SLCO1C1: variants seen among roughly 807,000 people sequenced by gnomAD.
SLCO1C1 encodes solute carrier organic anion transporter family member 1C1.
SLCO1C1 carries 70 observed loss-of-function variants against 76.4 expected under a neutral mutation model. That is an observed-to-expected ratio of 0.92 (90% CI 0.76 to 1.12). The LOEUF (loss-of-function observed/expected upper bound fraction) is 1.12. Among genes scored for constraint, SLCO1C1 ranks in the 50% most tolerant of loss-of-function variants. SLCO1C1 has a pLI of 0.00. For missense variants in SLCO1C1, 912 were observed against 823.8 expected (o/e 1.11, Z -1.31); for synonymous variants, 306 against 286.1 (o/e 1.07, Z -0.70).
chr12:20,740,060 A>G, intron 11 of SLCO1C1, 124 bp from the exon 12 acceptor site: 1 of 989,478 alleles, frequency 1.0e-6, no homozygotes, highest in Non-Finnish European at 1.5e-6. Flanking sequence ...AATACAAAAA[A>G]ATAAAAGAAT....
intron 3 of SLCO1C1, among the ~76,000 whole-genome samples, chr12:20,701,770 A>C (rs1946538724): frequency 6.6e-6 from 1 of 151,956 alleles, no homozygotes; most frequent in Non-Finnish European, 1.5e-5. Flanking sequence ...AGTTATAAAT[A>C]TGTAGAAGTA....
chr12:20,721,834 A>G lies in SLCO1C1; in HGVS notation c.806A>G (p.Gln269Arg). Reference sequence around the variant, plus strand: ...ATAACCATTACCCCAAAAGATCCCCAGTGGGTAGGAGCCTGGTGGCTTGGC... The same window carrying G: ...ATAACCATTACCCCAAAAGATCCCCGGTGGGTAGGAGCCTGGTGGCTTGGC... ...DHITITPKDP[Q>R]WVGAWWLGYL... is the part of the protein sequence containing the mutation. The change falls in exon 8 of 15, where the codon CAG (glutamine) becomes CGG (arginine). Residue 269 changes from glutamine to arginine, a missense_variant. Transcript: ENST00000266509. 1 of 1,614,148 alleles carries G rather than the reference A, an allele frequency of 6.2e-7. No individual in the cohort carries two copies. The highest frequency in any genetic ancestry group is 8.5e-7 in the Non-Finnish European group (1 of 1,180,020).
chr12:20,725,971 A>G (rs537964872), intron 9 of SLCO1C1, among the ~76,000 whole-genome samples: 1 of 152,214 alleles, frequency 6.6e-6, no homozygotes, highest in South Asian at 2.1e-4. Flanking sequence ...AATAGTATCT[A>G]ACAATTTTAC....
At chr12:20,717,961 C>T (rs942284825) in intron 7 of SLCO1C1, among the ~76,000 whole-genome samples, 5 of 151,862 alleles carry the variant, frequency 3.3e-5, no homozygotes, top group Admixed American at 2.0e-4. Flanking sequence ...TTTTGAAGTC[C>T]GCATGTTAAA....
At chr12:20,724,641 T>C (rs1284328719) in intron 9 of SLCO1C1, among the ~76,000 whole-genome samples, 2 of 148,466 alleles carry the variant, frequency 1.3e-5, no homozygotes, top group African/African-American at 4.9e-5. Context: ...TAGTATATTA[T>C]ATACTCTTTT....
intron 9 of SLCO1C1, among the ~76,000 whole-genome samples, chr12:20,731,711 A>G (rs926822596): frequency 1.3e-5 from 2 of 152,232 alleles, no homozygotes; most frequent in African/African-American, 4.8e-5. Context: ...GTTGAGTGCC[A>G]GATTGTTCTT....
At chr12:20,751,156 A>G (rs1295890119) in intron 14 of SLCO1C1, among the ~76,000 whole-genome samples, 1 of 152,112 alleles carries the variant, frequency 6.6e-6, no homozygotes, top group Non-Finnish European at 1.5e-5. Context: ...TTCTTTTTCA[A>G]ACTGAGCCAA....
At chr12:20,719,473 C>G (rs780471770) in intron 7 of SLCO1C1, among the ~76,000 whole-genome samples, 3 of 152,172 alleles carry the variant, frequency 2.0e-5, no homozygotes, top group Non-Finnish European at 4.4e-5. Context: ...AGGCAAAAAT[C>G]TAGGCCTCTT....
intron 7 of SLCO1C1, among the ~76,000 whole-genome samples, chr12:20,720,202 A>ATAT (rs573704089): frequency 1.3e-5 from 2 of 151,838 alleles, no homozygotes; most frequent in African/African-American, 4.8e-5. Context: ...CAGGAAAAAA[A>ATAT]ATATATATAT....
chr12:20,746,325 G>A lies in SLCO1C1; in HGVS notation c.1798+2956G>A, dbSNP rs1288393017. On this transcript the variant is annotated intron_variant, in intron 13 of 14. Transcript: ENST00000266509. The stretch of plus-strand genomic sequence containing the variant: ...AATTTGGAGAATATCAGGACATCAA[G>A]TCATTATTCTGAAAATTGAGAAATA... 2.7e-5 allele frequency among the ~76,000 whole-genome samples: 4 copies of A among 150,902 alleles called. No individual in the cohort carries two copies. In the East Asian group the frequency reaches 5.9e-4, roughly 22 times the overall value.
Position 20,732,939 on chromosome 12 carries a change from G to A in SLCO1C1, c.1217G>A (p.Gly406Glu), listed in dbSNP as rs1328605793. ...GLINIPAVALGIFSGGIVMKK... is the reference protein window; with the variant it reads ...GLINIPAVALEIFSGGIVMKK... ...ATCAACATTCCAGCAGTGGCCCTTGGAATATTCTCTGGGGGGATAGTTATG... is the reference window on the plus strand; with the variant it reads ...ATCAACATTCCAGCAGTGGCCCTTGAAATATTCTCTGGGGGGATAGTTATG... The change falls in exon 10 of 15, where the codon GGA becomes GAA. Residue 406 changes from glycine to glutamate, a missense_variant. Transcript: ENST00000266509. The A allele has an allele frequency of 5.0e-6, 8 of 1,613,806 alleles. No homozygotes were observed. The highest frequency in any genetic ancestry group is 4.4e-5 in the South Asian group (4 of 91,076).
At chr12:20,707,526 C>A (rs1946839891) in intron 4 of SLCO1C1, among the ~76,000 whole-genome samples, 1 of 152,128 alleles carries the variant, frequency 6.6e-6, no homozygotes, top group Non-Finnish European at 1.5e-5. Flanking sequence ...AATGGCTACA[C>A]TACTTAATTT....
Position 20,706,611 on chromosome 12 carries a change from T to G in SLCO1C1, c.404+530T>G, listed in dbSNP as rs74602388. Among the ~76,000 whole-genome samples the G allele has an allele frequency of 3.7e-3, 569 of 152,228 alleles. 6 individuals carry two copies. Among genetic ancestry groups the G allele is most frequent in the African/African-American group, 0.013 (537 of 41,574 alleles). ...ACTTTTGTTAATACATGCACATGAC[T>G]TTAGTAGTTCCAAAGATTTTTACCT... On this transcript the variant is annotated intron_variant, in intron 4 of 14. Coordinates refer to ENST00000266509, the MANE Select transcript of SLCO1C1 (RefSeq NM_017435.5).
intron 9 of SLCO1C1, among the ~76,000 whole-genome samples, chr12:20,731,755 C>T (rs1475104079): frequency 2.0e-5 from 3 of 152,214 alleles, no homozygotes; most frequent in Admixed American, 2.0e-4. Flanking sequence ...CAACAAATGG[C>T]ACCAAAGTGC....
At position 20,695,797 on chromosome 12, in the gene SLCO1C1, T is replaced by A. The variant is rs1056058388; in HGVS notation, c.-36T>A. ...TGAAAGGAACTGGCTATCTTTGATC[T>A]CTTCCTCCAGGTAAGACTTGGTTCT... On this transcript the variant is annotated 5_prime_UTR_variant, in exon 1 of 15. Transcript: ENST00000266509. 2 of 152,166 alleles carry A rather than the reference T, an allele frequency of 1.3e-5. No individual in the cohort carries two copies. The highest frequency in any genetic ancestry group is 2.4e-5 in the African/African-American group (1 of 41,444). 9.4% of individuals were successfully genotyped at this position (152,166 alleles called of 1,614,324 possible).
rs575374659 is a variant in SLCO1C1 at position 20,726,639 on chromosome 12, G to C, written c.1186+3385G>C. ...AATTTTAAAAAGATTTTTAATGAAA[G>C]AAATTTGGATAGGCAGCTAGATTTT... On this transcript the variant is annotated intron_variant, in intron 9 of 14. Coordinates refer to ENST00000266509, the MANE Select transcript of SLCO1C1 (RefSeq NM_017435.5). Among the ~76,000 whole-genome samples, 5 of 152,158 alleles carry C rather than the reference G, an allele frequency of 3.3e-5. No homozygotes were observed. The South Asian group carries it at 6.2e-4, about 19-fold the overall frequency.
At chr12:20,744,440 A>G (rs945176231) in intron 13 of SLCO1C1, among the ~76,000 whole-genome samples, 2 of 152,148 alleles carry the variant, frequency 1.3e-5, no homozygotes, top group Non-Finnish European at 2.9e-5. Flanking sequence ...CAATGGGCTA[A>G]TATTCCTATT....
At chr12:20,750,292 G>GT (rs1249134009) in intron 13 of SLCO1C1, among the ~76,000 whole-genome samples, 1 of 152,164 alleles carries the variant, frequency 6.6e-6, no homozygotes, top group Non-Finnish European at 1.5e-5. Flanking sequence ...GATAGACTCA[G>GT]TATGATTCCG....
At chr12:20,748,003 G>A (rs1013968166) in intron 13 of SLCO1C1, among the ~76,000 whole-genome samples, 5 of 152,128 alleles carry the variant, frequency 3.3e-5, no homozygotes, top group African/African-American at 7.2e-5. Context: ...TGTTTGGTGT[G>A]CTCTTCTAAT....
Sources: gnomAD v4.1 joint callset for allele counts (sites outside exome capture counted in the v4.1 genomes callset) on GRCh38, gnomAD v4.1.1 for gene constraint, MANE v1.5 for transcripts, NCBI Gene and HGNC (gene_info 2026-07-23, HGNC 2026-07-21) for gene names.